Variants in POM121 observed in about 807,000 individuals in gnomAD.
POM121 encodes the protein nuclear envelope pore membrane protein POM 121.
In POM121, 32 loss-of-function variants were observed where a neutral mutation model predicts 81.3. That is an observed-to-expected ratio of 0.39 (90% CI 0.30 to 0.53). POM121 has a LOEUF of 0.53. Among genes scored for constraint, POM121 ranks in the 20% least tolerant of loss-of-function variants. POM121 has a pLI of 0.66. For synonymous variants in POM121, 514 were observed against 694.2 expected (o/e 0.74, Z 4.08); for missense variants, 1,138 against 1,614.6 (o/e 0.70, Z 5.06).
Position 72,894,644 on chromosome 7 carries a change from AGAGAGAGAGAGAG to A in POM121, c.-216+3535_-216+3547del, listed in dbSNP as rs1791716355. Among the ~76,000 whole-genome samples the A allele has an allele frequency of 1.0e-3, 135 of 135,338 alleles. 2 individuals are homozygous for A. In the Middle Eastern group the frequency reaches 0.022, roughly 22 times the overall value. The allele number at this position is 135,338 out of a possible 152,430, so 88.8% of individuals were successfully genotyped here. The stretch of plus-strand genomic sequence containing the variant: ...AGAGAGAGGAGAGAGAGAGAGAGAG[AGAGAGAGAGAGAG>A]AGAGAGAGAGAGAGAGAGAGAGAGA... On this transcript the variant is annotated intron_variant, in intron 3 of 15. Coordinates refer to the POM121 transcript ENST00000395270.
chr7:72,879,509 CG>C, exon 1 of POM121: 1 of 251,234 alleles, frequency 4.0e-6, no homozygotes, highest in East Asian at 1.8e-4. Context: ...GCCCAGGGTT[CG>C]CGCGGGCCGG....
intron 1 of POM121, among the ~76,000 whole-genome samples, chr7:72,882,610 C>T (rs539304287): frequency 4.1e-4 from 62 of 152,078 alleles, no homozygotes; most frequent in African/African-American, 1.4e-3. Flanking sequence ...TTTCCAGGGA[C>T]GGAAATATCG....
intron 7 of POM121, 25 bp downstream of exon 7, chr7:72,939,434 G>T: frequency 6.2e-7 from 1 of 1,613,362 alleles, no homozygotes; most frequent in Non-Finnish European, 8.5e-7. Context: ...CAGGAGGAGG[G>T]GCTGCTGTTG....
rs782688227 is a variant in POM121 at position 72,925,392 on chromosome 7, C to T, written c.271C>T (p.Pro91Ser). 5 of 1,524,982 alleles carry T rather than the reference C, an allele frequency of 3.3e-6. 1 individual carries two copies. The South Asian group carries it at 4.8e-5, about 15-fold the overall frequency. The allele number at this position is 1,524,982 out of a possible 1,614,324, so 94.5% of individuals were successfully genotyped here. A position where few individuals can be genotyped will look rare whatever the true frequency, so the allele number is the denominator to read the frequency against. Residue 91 changes from proline to serine, a missense_variant, in exon 1 of 13, where the codon CCC (proline) becomes TCC (serine). Coordinates refer to ENST00000434423, the MANE Select transcript of POM121 (RefSeq NM_001387691.1). ...CGTTCGGAAGGCGCGTCATCGGCGC[C>T]CCTTGTCCTCCTTCGTTCGGAAGGC... Reference protein sequence around the residue: ...SFVRKARHRRPLSSFVRKARH... With the variant: ...SFVRKARHRRSLSSFVRKARH...
intron 4 of POM121, among the ~76,000 whole-genome samples, chr7:72,915,370 A>G (rs1794197270): frequency 2.0e-5 from 3 of 152,128 alleles, no homozygotes; most frequent in Admixed American, 2.0e-4. Flanking sequence ...ACTAGCCAAC[A>G]TGCACTGCTT....
upstream of POM121, among the ~76,000 whole-genome samples, chr7:72,923,478 A>G (rs1333429802): frequency 6.6e-6 from 1 of 151,536 alleles, no homozygotes; most frequent in Non-Finnish European, 1.5e-5. Context: ...TGGAGTGTGC[A>G]GTGGCACGAT....
intron 3 of POM121, 120 bp from the exon 4 acceptor site, chr7:72,928,265 G>C (rs1317356069): frequency 2.7e-5 from 37 of 1,348,000 alleles, no homozygotes; most frequent in East Asian, 2.6e-4. Context: ...ACCATTTTCT[G>C]GTCTATCATG....
chr7:72,893,441 G>T (rs554652981), intron 3 of POM121, among the ~76,000 whole-genome samples: 1 of 151,966 alleles, frequency 6.6e-6, no homozygotes, highest in East Asian at 2.0e-4. Flanking sequence ...AAAATTAGCC[G>T]GGCGTGGTGG....
chr7:72,941,247 C>G (rs1368139598), intron 10 of POM121, among the ~76,000 whole-genome samples: 6 of 152,082 alleles, frequency 3.9e-5, no homozygotes, highest in African/African-American at 1.2e-4. Flanking sequence ...CCTCATCTGT[C>G]AGATGAGAAT....
intron 5 of POM121, among the ~76,000 whole-genome samples, chr7:72,938,077 C>G (rs1554499828): frequency 6.6e-6 from 1 of 152,166 alleles, no homozygotes; most frequent in African/African-American, 2.4e-5. Context: ...AACGTTCCAC[C>G]TAATATATGC....
chr7:72,915,509 A>G (rs1554494967), intron 4 of POM121, among the ~76,000 whole-genome samples: 3 of 151,972 alleles, frequency 2.0e-5, no homozygotes, highest in African/African-American at 7.3e-5. Context: ...AGTAGCTGGG[A>G]TTACAGGTGT....
intron 4 of POM121, among the ~76,000 whole-genome samples, chr7:72,919,486 G>A (rs1298063405): frequency 1.3e-5 from 2 of 151,712 alleles, no homozygotes; most frequent in East Asian, 3.9e-4. Context: ...AATTCTTTCA[G>A]CTTTTTATTT....
chr7:72,949,833 C>T (rs535104572), downstream of POM121: 346 of 1,412,978 alleles, frequency 2.4e-4, 5 homozygotes, highest in South Asian at 3.7e-3. Context: ...CCTCCTCCTC[C>T]TGTGGCACTC....
Position 72,937,049 on chromosome 7 carries a change from G to A in POM121, c.1276-1541G>A, listed in dbSNP as rs1330048991. 1.3e-5 allele frequency among the ~76,000 whole-genome samples: 2 copies of A among 152,016 alleles called. 1 individual carries two copies. The highest frequency in any genetic ancestry group is 2.9e-5 in the Non-Finnish European group (2 of 68,004). ...AGGCAGGCAGATCACGAGGTCAAGAGATCAAGACCATCCTGGCCAACATGG... is the reference window on the plus strand; with the variant it reads ...AGGCAGGCAGATCACGAGGTCAAGAAATCAAGACCATCCTGGCCAACATGG... On this transcript the variant is annotated intron_variant, in intron 5 of 12. Coordinates refer to ENST00000434423, the MANE Select transcript of POM121 (RefSeq NM_001387691.1).
At position 72,943,393 on chromosome 7, in the gene POM121, A is replaced by T. The variant is rs1435962705; in HGVS notation, c.3400A>T (p.Ser1134Cys). 2.5e-6 allele frequency: 4 copies of T among 1,613,214 alleles called. No homozygotes were observed. The highest frequency in any genetic ancestry group is 3.4e-6 in the Non-Finnish European group (4 of 1,179,772). ...AGCTTTCAGCTTTGGAGCAGGACAG[A>T]GTGGGAGCACAGCCACCTCCACCCC... ...TGAFSFGAGQ[S>C]GSTATSTPFA... The change falls in exon 11 of 13, where the codon AGT becomes TGT. Residue 1134 changes from serine to cysteine, a missense_variant. Transcript: ENST00000434423.
chr7:72,917,023 A>G (rs782650859), intron 4 of POM121, among the ~76,000 whole-genome samples: 5 of 152,172 alleles, frequency 3.3e-5, no homozygotes, highest in Non-Finnish European at 5.9e-5. Context: ...TGAAACATGG[A>G]CATTTGAATA....
intron 3 of POM121, among the ~76,000 whole-genome samples, chr7:72,897,315 G>C (rs1389314692): frequency 1.3e-5 from 2 of 151,914 alleles, no homozygotes; most frequent in Non-Finnish European, 1.5e-5. Flanking sequence ...GGTGGAGAGA[G>C]AGCCATGCTT....
chr7:72,939,196 T>C, intron 6 of POM121, 140 bp from the exon 7 acceptor site: 1 of 1,277,064 alleles, frequency 7.8e-7, no homozygotes, highest in Non-Finnish European at 1.1e-6. Context: ...CTGTTGACTT[T>C]TTTTATCCTG....
chr7:72,880,248 C>A (rs1171096981), intron 1 of POM121, among the ~76,000 whole-genome samples: 2 of 152,092 alleles, frequency 1.3e-5, no homozygotes, highest in African/African-American at 4.8e-5. Flanking sequence ...CTTATATCTG[C>A]CCTGGGAGAA....
Sources: gnomAD v4.1 joint callset for allele counts (sites outside exome capture counted in the v4.1 genomes callset) on GRCh38, gnomAD v4.1.1 for gene constraint, MANE v1.5 for transcripts, NCBI Gene and HGNC (gene_info 2026-07-23, HGNC 2026-07-21) for gene names.